ATP10A: variants seen among roughly 807,000 people sequenced by gnomAD.
ATP10A encodes phospholipid-transporting ATPase VA.
Under a neutral mutation model 147.8 loss-of-function variants are expected in ATP10A, and 111 were observed. That is an observed-to-expected ratio of 0.75 (90% confidence interval 0.64 to 0.88). The LOEUF (loss-of-function observed/expected upper bound fraction) is 0.88, where lower values mean the gene tolerates loss of function less well. Among genes scored for constraint, ATP10A ranks in the 40% least tolerant of loss-of-function variants. The pLI is 0.00. For missense variants in ATP10A, 1,927 were observed against 1,959.0 expected (o/e 0.98, Z 0.31); for synonymous variants, 875 against 841.6 (o/e 1.04, Z -0.69).
chr15:25,695,126 T>C lies in ATP10A; in HGVS notation c.2781A>G (p.Leu927=), dbSNP rs1481491256. The C allele has an allele frequency of 6.2e-7, 1 of 1,612,568 alleles. No individual in the cohort carries two copies. Among genetic ancestry groups the C allele is most frequent in the Admixed American group, 1.7e-5 (1 of 59,972 alleles). ...ACTGCACGTAGCATAGGCACTGGTC[T>C]AGCAGGGCTGCACACGCCTCCTGAA... is the stretch of plus-strand genomic sequence containing the variant. ...ATSQEACAAL[L]DQCLCYVQSR... Residue 927 remains leucine (L), a synonymous_variant, in exon 14 of 21, where the codon CTA becomes CTG. Transcript: ENST00000555815.
intron 1 of ATP10A, among the ~76,000 whole-genome samples, chr15:25,824,080 T>C (rs1257978070): frequency 6.6e-6 from 1 of 152,156 alleles, no homozygotes; most frequent in African/African-American, 2.4e-5. Context: ...TACTAAAAAT[T>C]TGCTACAAGG....
At chr15:25,763,823 T>C (rs907772093) in intron 2 of ATP10A, among the ~76,000 whole-genome samples, 1 of 152,228 alleles carries the variant, frequency 6.6e-6, no homozygotes, top group Non-Finnish European at 1.5e-5. Flanking sequence ...ATTATATCTA[T>C]AGGAGAACAC....
At chr15:25,832,980 T>TC (rs1411302614) in intron 1 of ATP10A, among the ~76,000 whole-genome samples, 2 of 145,120 alleles carry the variant, frequency 1.4e-5, no homozygotes, top group Non-Finnish European at 3.0e-5. Flanking sequence ...TCTATTTTAT[T>TC]CTTTTTTTTT....
intron 1 of ATP10A, among the ~76,000 whole-genome samples, chr15:25,795,287 C>T (rs1362391257): frequency 2.0e-5 from 3 of 152,112 alleles, no homozygotes; most frequent in Non-Finnish European, 4.4e-5. Context: ...CCACCGTCCA[C>T]GTGACTAAGA....
intron 14 of ATP10A, among the ~76,000 whole-genome samples, chr15:25,694,125 A>G (rs1043961817): frequency 3.9e-5 from 6 of 152,174 alleles, no homozygotes; most frequent in Non-Finnish European, 7.4e-5. Context: ...CTCTGCCTGC[A>G]CTAGAAGTGG....
Position 25,743,496 on chromosome 15 carries a change from A to G in ATP10A, c.655-7355T>C, listed in dbSNP as rs561289038. Among the ~76,000 whole-genome samples the G allele has an allele frequency of 4.8e-4, 73 of 152,332 alleles. 1 individual carries two copies. Among genetic ancestry groups the G allele is most frequent in the African/African-American group, 1.7e-3 (70 of 41,576 alleles). ...CCAAGAAATAAAAAGACAAAAATCC[A>G]GAGTTGAGGCTGGGCTTTGAGGTTT... is the stretch of plus-strand genomic sequence containing the variant. On this transcript the variant is annotated intron_variant, in intron 2 of 20. Coordinates refer to ENST00000555815, the MANE Select transcript of ATP10A (RefSeq NM_024490.4).
At chr15:25,809,187 T>C (rs1470589711) in intron 1 of ATP10A, among the ~76,000 whole-genome samples, 1 of 152,020 alleles carries the variant, frequency 6.6e-6, no homozygotes, top group Non-Finnish European at 1.5e-5. Flanking sequence ...GCAGATGGGA[T>C]GAAGCCACCA....
intron 1 of ATP10A, among the ~76,000 whole-genome samples, chr15:25,844,702 C>T (rs546556794): frequency 3.3e-4 from 51 of 152,256 alleles, no homozygotes; most frequent in Admixed American, 2.8e-3. Flanking sequence ...TGAGAGGCTG[C>T]GGTGGGCGAG....
chr15:25,847,536 C>G (rs74004313), intron 1 of ATP10A, among the ~76,000 whole-genome samples: 2 of 144,538 alleles, frequency 1.4e-5, no homozygotes, highest in Admixed American at 1.4e-4. Flanking sequence ...TTGCGGGTCA[C>G]GGGGTCTTCA....
chr15:25,682,813 C>G lies in ATP10A; in HGVS notation c.3492+473G>C, dbSNP rs190126707. ...GAATAATTCAAGGCAAAGAAAAGCA[C>G]TTGCTGTCTATTTTAATGGCTGGCT... On this transcript the variant is annotated intron_variant, in intron 17 of 20. Transcript: ENST00000555815. 3.3e-5 allele frequency among the ~76,000 whole-genome samples: 5 copies of G among 152,318 alleles called. No homozygotes were observed. The East Asian group carries it at 9.6e-4, about 29-fold the overall frequency.
At chr15:25,823,766 T>A (rs1462612661) in intron 1 of ATP10A, among the ~76,000 whole-genome samples, 1 of 152,244 alleles carries the variant, frequency 6.6e-6, no homozygotes, top group East Asian at 1.9e-4. Context: ...TTAGAGCTTT[T>A]AAAATAACCA....
chr15:25,757,342 CA>C (rs1276519962), intron 2 of ATP10A, among the ~76,000 whole-genome samples: 2 of 151,768 alleles, frequency 1.3e-5, no homozygotes, highest in African/African-American at 2.4e-5. Context: ...TAGCTTTTCA[CA>C]AAAAATAAAG....
At chr15:25,845,505 A>C (rs534123746) in intron 1 of ATP10A, among the ~76,000 whole-genome samples, 1 of 152,266 alleles carries the variant, frequency 6.6e-6, no homozygotes, top group Non-Finnish European at 1.5e-5. Flanking sequence ...GCCTTACAAG[A>C]AGTGTCAAGG....
chr15:25,688,874 G>A (rs146258335), intron 15 of ATP10A, among the ~76,000 whole-genome samples: 2 of 152,314 alleles, frequency 1.3e-5, no homozygotes, highest in East Asian at 3.9e-4. Flanking sequence ...GGTTTTTCGT[G>A]TTCTGTAATG....
Position 25,716,715 on chromosome 15 carries a change from C to G in ATP10A, c.1776+15G>C. 1 of 1,544,630 alleles carries G rather than the reference C, an allele frequency of 6.5e-7. No individual in the cohort carries two copies. Among genetic ancestry groups the G allele is most frequent in the African/African-American group, 1.4e-5 (1 of 72,662 alleles). ...AGAAGGTCAAGGTCAAGCTCAGGGACCCTCCAGAACTTGCCTTTGTTCGTG... is the reference window on the plus strand; with the variant it reads ...AGAAGGTCAAGGTCAAGCTCAGGGAGCCTCCAGAACTTGCCTTTGTTCGTG... On this transcript the variant is annotated intron_variant, in intron 9 of 20. Transcript: ENST00000555815.
At chr15:25,680,454 T>C in intron 19 of ATP10A, 146 bp from the exon 20 acceptor site, 1 of 878,302 alleles carries the variant, frequency 1.1e-6, no homozygotes, top group Non-Finnish European at 1.7e-6. Context: ...GGGTAACCGG[T>C]GGGGCTCAAT....
chr15:25,805,172 C>T (rs1301488922), intron 1 of ATP10A, among the ~76,000 whole-genome samples: 3 of 152,144 alleles, frequency 2.0e-5, no homozygotes, highest in Admixed American at 2.0e-4. Flanking sequence ...AGAAGCTGCA[C>T]CCAGTGATCC....
chr15:25,814,365 C>T (rs570653358), intron 1 of ATP10A, among the ~76,000 whole-genome samples: 1 of 152,322 alleles, frequency 6.6e-6, no homozygotes, highest in South Asian at 2.1e-4. Flanking sequence ...AGACCTGTAC[C>T]ATGGCAAATG....
intron 2 of ATP10A, among the ~76,000 whole-genome samples, chr15:25,746,350 A>T (rs1443361138): frequency 6.6e-6 from 1 of 152,222 alleles, no homozygotes; most frequent in East Asian, 1.9e-4. Context: ...ATAAACTCAA[A>T]TTATATATTA....
Sources: allele counts gnomAD v4.1 joint callset (sites outside exome capture counted in the v4.1 genomes callset), GRCh38; gene constraint gnomAD v4.1.1; transcripts MANE v1.5; gene names NCBI Gene and HGNC (gene_info 2026-07-23, HGNC 2026-07-21).